The following NRG1 variants were observed in gnomAD, a reference collection of about 807,000 sequenced individuals.
NRG1 encodes neuregulin 1, also known as pro-neuregulin-1, membrane-bound isoform.
NRG1 carries 18 observed loss-of-function variants against 63.8 expected under a neutral mutation model. That is an observed-to-expected ratio of 0.28 (90% CI 0.19 to 0.42). The LOEUF is 0.42. Among genes scored for constraint, NRG1 ranks in the 10% least tolerant of loss-of-function variants. The pLI, the probability that NRG1 is intolerant of heterozygous loss-of-function variation, is 1.00. For missense variants in NRG1, 762 were observed against 814.7 expected, an observed-to-expected ratio of 0.94 and a Z score of 0.79; for synonymous variants, 302 against 301.3, an observed-to-expected ratio of 1.00 and a Z score of -0.02.
chr8:32,394,858 C>T (rs1456329456), intron 1 of NRG1, among the ~76,000 whole-genome samples: 2 of 152,116 alleles, frequency 1.3e-5, no homozygotes, highest in Non-Finnish European at 2.9e-5. Flanking sequence ...AAGAAGATCG[C>T]TTTTTCAGCC....
Position 32,296,970 on chromosome 8 carries a change from C to G in NRG1, c.38-298858C>G, listed in dbSNP as rs181130900. ...ACTCTACTAAAAATACAAAAATTAG[C>G]TGGGCGTGGTGGCCCGCACCTGTAG... On this transcript the variant is annotated intron_variant, in intron 1 of 10. Coordinates refer to the NRG1 transcript ENST00000519301. 3.2e-3 allele frequency among the ~76,000 whole-genome samples: 480 copies of G among 152,130 alleles called. 12 individuals carry two copies. The highest frequency in any genetic ancestry group is 0.019 in the Admixed American group (293 of 15,290).
At chr8:31,656,677 C>T (rs140857669) in intron 1 of NRG1, among the ~76,000 whole-genome samples, 2,232 of 152,206 alleles carry the variant, frequency 0.015, 26 homozygotes, top group Non-Finnish European at 0.021. Flanking sequence ...GTGTTACTAA[C>T]GTGTTGCTGA....
At chr8:32,312,469 C>CT (rs1856933187) in intron 1 of NRG1, among the ~76,000 whole-genome samples, 1 of 151,562 alleles carries the variant, frequency 6.6e-6, no homozygotes, top group Admixed American at 6.6e-5. Context: ...GCCACCATGC[C>CT]TAGCCCTGTG....
chr8:32,315,435 A>G (rs1198801311), intron 1 of NRG1, among the ~76,000 whole-genome samples: 1 of 152,190 alleles, frequency 6.6e-6, no homozygotes, highest in Non-Finnish European at 1.5e-5. Flanking sequence ...GCTACATAGT[A>G]TTCTATGGTA....
intron 1 of NRG1, among the ~76,000 whole-genome samples, chr8:32,041,876 G>A (rs1359373063): frequency 6.6e-6 from 1 of 152,052 alleles, no homozygotes; most frequent in Non-Finnish European, 1.5e-5. Context: ...TTAGTGCCTG[G>A]GCTCAAATCC....
At chr8:32,034,278 C>G (rs868071733) in intron 1 of NRG1, among the ~76,000 whole-genome samples, 1 of 152,128 alleles carries the variant, frequency 6.6e-6, no homozygotes, top group Admixed American at 6.6e-5. Flanking sequence ...GTTGAACAAG[C>G]CTTGCATACC....
At chr8:32,721,935 A>T in intron 5 of NRG1, 1 of 1,521,268 alleles carries the variant, frequency 6.6e-7, no homozygotes, top group Admixed American at 2.3e-5. Flanking sequence ...CTAATTGCAA[A>T]GGAGCTATAT....
intron 1 of NRG1, among the ~76,000 whole-genome samples, chr8:32,000,854 TTTGTCTTTCATA>T (rs951230557): frequency 9.2e-5 from 14 of 152,146 alleles, no homozygotes; most frequent in African/African-American, 2.9e-4. Context: ...TCATTTTTGT[TTTGTCTTTCATA>T]TTGATGAACC....
At chr8:32,512,528 A>G (rs1368065153) in intron 1 of NRG1, among the ~76,000 whole-genome samples, 2 of 152,222 alleles carry the variant, frequency 1.3e-5, no homozygotes, top group African/African-American at 4.8e-5. Context: ...TATATACCAG[A>G]CATTCTTCTA....
chr8:31,738,781 C>T (rs1814953193), intron 1 of NRG1, among the ~76,000 whole-genome samples: 1 of 152,048 alleles, frequency 6.6e-6, no homozygotes, highest in Non-Finnish European at 1.5e-5. Context: ...CTTCAGTCTC[C>T]ACCTCTGTCA....
chr8:32,183,128 G>A (rs1841601124), intron 1 of NRG1, among the ~76,000 whole-genome samples: 1 of 152,200 alleles, frequency 6.6e-6, no homozygotes, highest in Non-Finnish European at 1.5e-5. Flanking sequence ...GGCAAGATAA[G>A]TTTCCATCAC....
chr8:32,390,602 T>TAAAAAAAA (rs66980062), intron 1 of NRG1, among the ~76,000 whole-genome samples: 11 of 130,666 alleles, frequency 8.4e-5, no homozygotes, highest in African/African-American at 2.3e-4. Flanking sequence ...GACCCTGTCT[T>TAAAAAAAA]AAAAAAAAAA....
chr8:32,510,122 A>C (rs56100925), intron 1 of NRG1, among the ~76,000 whole-genome samples: 1,857 of 116,822 alleles, frequency 0.016, 30 homozygotes, highest in African/African-American at 0.031. Context: ...TAATAATAAT[A>C]ATAATCATAA....
rs1424885448 is a variant in NRG1, at chr8:32,343,919, TCCA to T, written c.38-251908_38-251906del. Among the ~76,000 whole-genome samples, 3 of 152,154 alleles carry T rather than the reference TCCA, an allele frequency of 2.0e-5. No homozygotes were observed. In the East Asian group the frequency reaches 5.8e-4, roughly 29 times the overall value. Reference sequence around the variant, plus strand: ...AAAATTCAGTCCTAGTCCTACCGAGTCCATTAGAGAAGGTCTGCAGTATATAAA... The same window carrying T: ...AAAATTCAGTCCTAGTCCTACCGAGTTTAGAGAAGGTCTGCAGTATATAAA... On this transcript the variant is annotated intron_variant, in intron 1 of 10. Coordinates refer to the NRG1 transcript ENST00000519301.
chr8:31,960,792 G>A lies in NRG1; in HGVS notation c.37+321361G>A, dbSNP rs150803205. ...TCCTTTCACCCTCAGGTACAGGAGTGTTACATAAAATGGCACTAATCCACT... is the reference window on the plus strand; with the variant it reads ...TCCTTTCACCCTCAGGTACAGGAGTATTACATAAAATGGCACTAATCCACT... On this transcript the variant is annotated intron_variant, in intron 1 of 10. Coordinates refer to the NRG1 transcript ENST00000519301. Among the ~76,000 whole-genome samples the A allele has an allele frequency of 1.4e-4, 21 of 152,280 alleles. No homozygotes were observed. In the East Asian group the frequency reaches 3.7e-3, roughly 27 times the overall value.
At chr8:32,199,029 G>GCCA (rs1278877369) in intron 1 of NRG1, among the ~76,000 whole-genome samples, 2 of 152,202 alleles carry the variant, frequency 1.3e-5, no homozygotes, top group East Asian at 3.9e-4. Context: ...GAGCCAAGTA[G>GCCA]TAGACTATGA....
At chr8:32,463,871 A>ATTTT (rs1587799335) in intron 1 of NRG1, among the ~76,000 whole-genome samples, 1 of 80,596 alleles carries the variant, frequency 1.2e-5, no homozygotes, top group Non-Finnish European at 2.7e-5. Flanking sequence ...AAAACTTAGA[A>ATTTT]TTCTTTTTTT....
At chr8:32,463,213 G>T (rs12056398) in intron 1 of NRG1, among the ~76,000 whole-genome samples, 1 of 151,806 alleles carries the variant, frequency 6.6e-6, no homozygotes, top group African/African-American at 2.4e-5. Flanking sequence ...TGGATTCTTA[G>T]GTTGTTTTCA....
chr8:31,938,890 A>T (rs1430379297), intron 1 of NRG1, among the ~76,000 whole-genome samples: 1 of 152,176 alleles, frequency 6.6e-6, no homozygotes, highest in African/African-American at 2.4e-5. Context: ...AAAAATGAAC[A>T]AAGGCTCCAA....
Sources: gnomAD v4.1 joint callset for allele counts (sites outside exome capture counted in the v4.1 genomes callset) on GRCh38, gnomAD v4.1.1 for gene constraint, MANE v1.5 for transcripts, NCBI Gene and HGNC (gene_info 2026-07-23, HGNC 2026-07-21) for gene names.